Variants in FAM13A observed in about 807,000 individuals in gnomAD.
FAM13A encodes the protein family with sequence similarity 13 member A, also known as protein FAM13A.
Under a neutral mutation model 129.6 loss-of-function variants are expected in FAM13A, and 76 were observed. The ratio of observed to expected loss-of-function variants is 0.59; its 90% CI spans 0.49 to 0.71. The LOEUF (loss-of-function observed/expected upper bound fraction) is 0.71, where lower values mean the gene tolerates loss of function less well. Among genes scored for constraint, FAM13A ranks in the 30% least tolerant of loss-of-function variants. The pLI is 0.00. For missense variants in FAM13A, 1,108 were observed against 1,249.3 expected (o/e 0.89, Z 1.70); for synonymous variants, 443 against 449.9 (o/e 0.98, Z 0.20).
chr4:88,950,491 T>C (rs1202955959), intron 4 of FAM13A, among the ~76,000 whole-genome samples: 1 of 152,226 alleles, frequency 6.6e-6, no homozygotes, highest in Non-Finnish European at 1.5e-5. Context: ...ATAATTACTA[T>C]CATTTTTAGT....
chr4:88,822,690 C>T (rs1275536660), intron 7 of FAM13A, among the ~76,000 whole-genome samples: 1 of 152,138 alleles, frequency 6.6e-6, no homozygotes, highest in Non-Finnish European at 1.5e-5. Flanking sequence ...CTTCTCAGTC[C>T]ATGTTTTTCT....
chr4:88,924,585 T>C (rs1268425689), intron 5 of FAM13A, among the ~76,000 whole-genome samples: 2 of 152,140 alleles, frequency 1.3e-5, no homozygotes, highest in Non-Finnish European at 2.9e-5. Context: ...ACTTTAGACC[T>C]AAAACCATAA....
intron 5 of FAM13A, among the ~76,000 whole-genome samples, chr4:88,925,158 G>A (rs1289605418): frequency 6.6e-6 from 1 of 151,804 alleles, no homozygotes; most frequent in Non-Finnish European, 1.5e-5. Flanking sequence ...GATTCCTCAG[G>A]GATCTAGAAC....
chr4:88,810,775 AT>A (rs1362955284), intron 7 of FAM13A, among the ~76,000 whole-genome samples: 1 of 152,146 alleles, frequency 6.6e-6, no homozygotes, highest in African/African-American at 2.4e-5. Flanking sequence ...GAGATACAAT[AT>A]TTTTTTAAAG....
intron 3 of FAM13A, among the ~76,000 whole-genome samples, chr4:89,016,798 C>T (rs1464747819): frequency 6.6e-6 from 1 of 152,066 alleles, no homozygotes; most frequent in East Asian, 1.9e-4. Context: ...CCACGCCCTG[C>T]TAATTTCTTA....
At chr4:88,847,780 C>CA (rs1736902661) in intron 7 of FAM13A, among the ~76,000 whole-genome samples, 2 of 151,880 alleles carry the variant, frequency 1.3e-5, no homozygotes, top group South Asian at 4.1e-4. Flanking sequence ...TAAAAAAATA[C>CA]AAAAAAATTA....
At chr4:88,753,210 A>T (rs1282926365) in intron 14 of FAM13A, among the ~76,000 whole-genome samples, 1 of 152,232 alleles carries the variant, frequency 6.6e-6, no homozygotes, top group Non-Finnish European at 1.5e-5. Context: ...ATTTTTACTT[A>T]TAAGAGTGTG....
chr4:88,737,724 A>G, intron 20 of FAM13A, 169 bp from the exon 21 acceptor site: 1 of 637,088 alleles, frequency 1.6e-6, no homozygotes, highest in Admixed American at 2.8e-5. Flanking sequence ...TTCTTTTTCC[A>G]AGTTGCTGCT....
intron 7 of FAM13A, among the ~76,000 whole-genome samples, chr4:88,839,515 T>C (rs1735433289): frequency 6.6e-6 from 1 of 152,196 alleles, no homozygotes; most frequent in Non-Finnish European, 1.5e-5. Context: ...AAATTAGGAA[T>C]TCTATTGTGT....
intron 6 of FAM13A, among the ~76,000 whole-genome samples, chr4:88,888,009 C>T (rs1744729562): frequency 1.3e-5 from 2 of 152,190 alleles, no homozygotes; most frequent in Admixed American, 1.3e-4. Context: ...TACAATTTGG[C>T]TGCAGCCTAT....
chr4:88,944,450 T>C (rs1267560989), intron 4 of FAM13A, among the ~76,000 whole-genome samples: 1 of 152,158 alleles, frequency 6.6e-6, no homozygotes, highest in Non-Finnish European at 1.5e-5. Context: ...TATTTGAAAA[T>C]GTGGATAGAC....
At chr4:89,019,606 C>T (rs1178939176) in intron 3 of FAM13A, among the ~76,000 whole-genome samples, 1 of 151,710 alleles carries the variant, frequency 6.6e-6, no homozygotes, top group Admixed American at 6.6e-5. Context: ...ACTAAAAATA[C>T]AAAAGTTAGC....
chr4:88,868,665 G>T (rs558215429), intron 6 of FAM13A, among the ~76,000 whole-genome samples: 1 of 151,978 alleles, frequency 6.6e-6, no homozygotes, highest in African/African-American at 2.4e-5. Context: ...TAGACACACC[G>T]CACCCTGTAA....
At chr4:89,041,091 G>T (rs1442084305) in intron 1 of FAM13A, among the ~76,000 whole-genome samples, 2 of 152,328 alleles carry the variant, frequency 1.3e-5, no homozygotes, top group East Asian at 3.9e-4. Flanking sequence ...TGTTATGAGT[G>T]TGAGTATAAG....
chr4:88,930,641 G>A (rs1752888319), intron 5 of FAM13A, among the ~76,000 whole-genome samples: 1 of 152,146 alleles, frequency 6.6e-6, no homozygotes, highest in South Asian at 2.1e-4. Context: ...TGCAGCATTA[G>A]TGGGTCCTGG....
At chr4:88,981,323 CAAAA>C (rs1324234360) in intron 4 of FAM13A, among the ~76,000 whole-genome samples, 1 of 152,076 alleles carries the variant, frequency 6.6e-6, no homozygotes, top group Non-Finnish European at 1.5e-5. Context: ...AACAGACAAA[CAAAA>C]AACCCAGAAC....
At chr4:89,036,204 T>C (rs1002042882) in intron 1 of FAM13A, among the ~76,000 whole-genome samples, 2 of 152,188 alleles carry the variant, frequency 1.3e-5, no homozygotes, top group African/African-American at 4.8e-5. Flanking sequence ...ATGTGGACAA[T>C]GAAGTCCAGG....
chr4:88,800,696 C>CAAAAAAAAAAAAA (rs1185321303), intron 8 of FAM13A, among the ~76,000 whole-genome samples: 8 of 54,046 alleles, frequency 1.5e-4, no homozygotes, highest in Admixed American at 2.0e-4. Context: ...GAAACAAAAA[C>CAAAAAAAAAAAAA]AAAAAAAAAA....
intron 6 of FAM13A, among the ~76,000 whole-genome samples, chr4:88,865,878 CTTTTTTTTTTTTT>C (rs34865210): frequency 1.2e-4 from 10 of 83,218 alleles, no homozygotes; most frequent in East Asian, 4.4e-4. Flanking sequence ...TTGTCTCTCT[CTTTTTTTTTTTTT>C]TTTTTTTTTT....
Sources: gnomAD v4.1 joint callset for allele counts (sites outside exome capture counted in the v4.1 genomes callset) on GRCh38, gnomAD v4.1.1 for gene constraint, MANE v1.5 for transcripts, NCBI Gene and HGNC (gene_info 2026-07-23, HGNC 2026-07-21) for gene names.